The following POLE variants were observed in gnomAD, a reference collection of about 807,000 sequenced individuals.
POLE encodes DNA polymerase epsilon catalytic subunit A.
A neutral mutation model predicts 279.2 loss-of-function variants in POLE; 188 were observed. The observed-to-expected ratio is 0.67, with a 90% CI of 0.60 to 0.76. POLE has a LOEUF of 0.76. Among genes scored for constraint, POLE ranks in the 30% least tolerant of loss-of-function variants. POLE has a pLI of 0.00. For missense variants in POLE, 2,703 were observed against 3,016.7 expected, an observed-to-expected ratio of 0.90 and a Z score of 2.44; for synonymous variants, 1,214 against 1,172.5, an observed-to-expected ratio of 1.04 and a Z score of -0.72.
intron 16 of POLE, among the ~76,000 whole-genome samples, chr12:132,669,643 C>T (rs1200400544): frequency 6.6e-6 from 1 of 152,122 alleles, no homozygotes; most frequent in East Asian, 1.9e-4. Flanking sequence ...ACGAATCAGC[C>T]GGGGAAGAGC....
intron 20 of POLE, among the ~76,000 whole-genome samples, chr12:132,666,784 T>C (rs1002350240): frequency 5.3e-5 from 8 of 151,964 alleles, no homozygotes; most frequent in African/African-American, 1.9e-4. Context: ...ATTCTGGAGG[T>C]AGATGGTGGT....
At chr12:132,637,901 G>C in intron 41 of POLE, 113 bp downstream of exon 41, 1 of 1,212,346 alleles carries the variant, frequency 8.2e-7, no homozygotes, top group Non-Finnish European at 1.2e-6. Flanking sequence ...GGTGAGTCCT[G>C]CACTTCTAAC....
At chr12:132,677,159 A>C (rs1398719686) in intron 8 of POLE, among the ~76,000 whole-genome samples, 1 of 152,214 alleles carries the variant, frequency 6.6e-6, no homozygotes, top group Admixed American at 6.5e-5. Context: ...TCAAACACTG[A>C]TGTCATACAG....
intron 15 of POLE, 121 bp downstream of exon 15, chr12:132,672,506 C>A: frequency 8.4e-7 from 1 of 1,186,868 alleles, no homozygotes; most frequent in East Asian, 2.4e-5. Flanking sequence ...AGAGAAGCCA[C>A]ACCCGGTGAG....
At position 132,677,602 on chromosome 12, in the gene POLE, G is replaced by A. The variant is rs1593081708; in HGVS notation, c.696C>T (p.Leu232=). The change falls in exon 7 of 49, where the codon CTC becomes CTT. Residue 232 remains leucine (L), a synonymous_variant. Transcript: ENST00000320574. ...REYDVPYHIR[L]SIDLKIHVAH... Reference sequence around the variant, plus strand: ...CCACGTGGATCTTCAGGTCAATGGAGAGGCGGATGTGGTAGGGAACATCGT... The same window carrying A: ...CCACGTGGATCTTCAGGTCAATGGAAAGGCGGATGTGGTAGGGAACATCGT... The A allele has an allele frequency of 6.2e-7, 1 of 1,614,226 alleles. No individual in the cohort carries two copies. The highest frequency in any genetic ancestry group is 8.5e-7 in the Non-Finnish European group (1 of 1,180,050).
At chr12:132,651,544 T>A (rs1473055797) in intron 29 of POLE, 1 of 152,294 alleles carries the variant, frequency 6.6e-6, no homozygotes, top group Non-Finnish European at 1.5e-5. Context: ...AGGCTGAACA[T>A]CTTGGCCCTG....
rs1354744720 is a variant in POLE, at chr12:132,668,068, G to A, written c.2173+288C>T. On this transcript the variant is annotated intron_variant, in intron 19 of 48. Transcript: ENST00000320574. The surrounding 1 kb of genome is among the most constrained non-coding windows in gnomAD (Gnocchi z 4.0). ...ACTGCATTCCAGCCTGGGTGACAGAGTGAGACCTCATTTCAAAAAAAAAAA... is the reference window on the plus strand; with the variant it reads ...ACTGCATTCCAGCCTGGGTGACAGAATGAGACCTCATTTCAAAAAAAAAAA... 7.3e-6 allele frequency among the ~76,000 whole-genome samples: 1 copy of A among 137,646 alleles called. No homozygotes were observed. Among genetic ancestry groups the A allele is most frequent in the Non-Finnish European group, 1.5e-5 (1 of 65,088 alleles). 90.3% of individuals were successfully genotyped at this position (137,646 alleles called of 152,430 possible). A position where few individuals can be genotyped will look rare whatever the true frequency, so the allele number is the denominator to read the frequency against.
In POLE at chr12:132,634,059, G is replaced by T; in HGVS notation, c.6004+127C>A. 2.3e-6 allele frequency: 2 copies of T among 856,680 alleles called. No individual in the cohort carries two copies. The highest frequency in any genetic ancestry group is 3.7e-6 in the Non-Finnish European group (2 of 545,114). 53.1% of individuals were successfully genotyped at this position (856,680 alleles called of 1,614,324 possible). A position where few individuals can be genotyped will look rare whatever the true frequency, so the allele number is the denominator to read the frequency against. On this transcript the variant is annotated intron_variant, in intron 43 of 48. Coordinates refer to ENST00000320574, the MANE Select transcript of POLE (RefSeq NM_006231.4). This position sits in a 1 kb window ranked among gnomAD's most constrained non-coding sequence, Gnocchi z 4.0. Reference sequence around the variant, plus strand: ...CCCCTCGGCTCACAAAGTCCCAACTGCTGGGCAGGCTCCGCCCGATCTGAT... The same window carrying T: ...CCCCTCGGCTCACAAAGTCCCAACTTCTGGGCAGGCTCCGCCCGATCTGAT...
At chr12:132,662,267 G>A (rs1225464307) in intron 23 of POLE, among the ~76,000 whole-genome samples, 2 of 152,192 alleles carry the variant, frequency 1.3e-5, no homozygotes, top group African/African-American at 4.8e-5. Context: ...GACTGGACAG[G>A]GTAAGGCTGA....
chr12:132,625,060 T>A, intron 47 of POLE, 66 bp from the exon 48 acceptor site: 1 of 1,210,634 alleles, frequency 8.3e-7, no homozygotes, highest in Non-Finnish European at 1.2e-6. Flanking sequence ...TGCTGCTTCT[T>A]CACAGGCTCG....
chr12:132,687,129 G>A (rs2043292174), intron 1 of POLE, 125 bp downstream of exon 1: 2 of 491,194 alleles, frequency 4.1e-6, no homozygotes, highest in Non-Finnish European at 6.0e-6. Context: ...ACCCCAGTCA[G>A]GCGCGGCGAG....
chr12:132,625,411 C>T, intron 47 of POLE: 1 of 755,586 alleles, frequency 1.3e-6, no homozygotes. Flanking sequence ...GAGTGTCTGC[C>T]TCCTTCCGCT....
In POLE at chr12:132,652,465, G is replaced by T. The variant is rs116624555; in HGVS notation, c.3583-2576C>A. ...GCCTCCCAAGTAGCTGGGACTACAG[G>T]CATGCACAACCATGCCTAATGTTGT... On this transcript the variant is annotated intron_variant, in intron 29 of 48. Coordinates refer to ENST00000320574, the MANE Select transcript of POLE (RefSeq NM_006231.4). Among the ~76,000 whole-genome samples, 583 of 152,036 alleles carry T rather than the reference G, an allele frequency of 3.8e-3. 3 individuals carry two copies. Among genetic ancestry groups the T allele is most frequent in the African/African-American group, 0.013 (553 of 41,454 alleles).
intron 16 of POLE, among the ~76,000 whole-genome samples, chr12:132,671,624 A>G (rs1399625136): frequency 6.8e-6 from 1 of 147,380 alleles, no homozygotes; most frequent in East Asian, 2.0e-4. Context: ...AGCCAAACTC[A>G]TGCCATTGCA....
At chr12:132,632,892 T>C (rs2138466371) in intron 43 of POLE, 97 bp from the exon 44 acceptor site, 1 of 1,341,466 alleles carries the variant, frequency 7.5e-7, no homozygotes, top group South Asian at 1.4e-5. Context: ...GCCTCACAGA[T>C]GAGGCTAAAA....
chr12:132,632,914 A>G, intron 43 of POLE, 119 bp from the exon 44 acceptor site: 1 of 1,154,346 alleles, frequency 8.7e-7, no homozygotes, highest in Non-Finnish European at 1.2e-6. Flanking sequence ...GTCATTGTTA[A>G]TAATTTTATC....
At chr12:132,654,164 G>GA (rs968206646) in intron 29 of POLE, among the ~76,000 whole-genome samples, 1 of 147,782 alleles carries the variant, frequency 6.8e-6, no homozygotes, top group African/African-American at 2.5e-5. Flanking sequence ...TGAGCTAAGG[G>GA]TTTTTTTTTT....
intron 6 of POLE, 33 bp downstream of exon 6, chr12:132,679,464 C>G: frequency 6.3e-7 from 1 of 1,582,388 alleles, no homozygotes; most frequent in Non-Finnish European, 8.7e-7. Context: ...CGTTCTGAAC[C>G]GCTGATGCTT....
Position 132,675,560 on chromosome 12 carries a change from C to T in POLE, c.1107-43G>A. ...CAGACAAGCAAGTGGGCAGGTCAGG[C>T]TCTAATGCCCCTTTCTCCATTCCTC... is the stretch of plus-strand genomic sequence containing the variant. On this transcript the variant is annotated intron_variant, in intron 11 of 48. Coordinates refer to ENST00000320574, the MANE Select transcript of POLE (RefSeq NM_006231.4). This position sits in a 1 kb window ranked among gnomAD's most constrained non-coding sequence, Gnocchi z 4.3. The T allele has an allele frequency of 3.7e-6, 6 of 1,610,892 alleles. No individual in the cohort carries two copies. The highest frequency in any genetic ancestry group is 5.1e-6 in the Non-Finnish European group (6 of 1,178,494).
Sources: gnomAD v4.1 joint callset for allele counts (sites outside exome capture counted in the v4.1 genomes callset) on GRCh38, gnomAD v4.1.1 for gene constraint, Gnocchi (gnomAD v3.1) non-coding constraint, MANE v1.5 for transcripts, NCBI Gene and HGNC (gene_info 2026-07-23, HGNC 2026-07-21) for gene names.